Variants in CKAP2 observed in about 807,000 individuals in gnomAD.
CKAP2 encodes the protein cytoskeleton-associated protein 2.
Under a neutral mutation model 58.4 loss-of-function variants are expected in CKAP2, and 46 were observed. The ratio of observed to expected loss-of-function variants is 0.79; its 90% CI spans 0.62 to 1.01. The LOEUF (loss-of-function observed/expected upper bound fraction) is 1.01. Ranked by LOEUF, CKAP2 falls within the 50% of genes least tolerant of loss-of-function variation. CKAP2 has a pLI of 0.00. For missense variants in CKAP2, 809 were observed against 796.4 expected, an observed-to-expected ratio of 1.02 and a Z score of -0.19; for synonymous variants, 293 against 280.9, an observed-to-expected ratio of 1.04 and a Z score of -0.43.
intron 6 of CKAP2, chr13:52,465,967 A>ATACACATATATATG (rs1566102185): frequency 1.6e-5 from 2 of 125,724 alleles, no homozygotes; most frequent in African/African-American, 7.4e-5. Flanking sequence ...ACACATATAT[A>ATACACATATATATG]CACACATATA....
chr13:52,473,041 T>C lies in CKAP2; in HGVS notation c.1547-788T>C, dbSNP rs925834292. Reference sequence around the variant, plus strand: ...CTAGGTGACAGAACGGCAGACACCCTGTCTCTAAAAAAAAAAAAAAAATGT... The same window carrying C: ...CTAGGTGACAGAACGGCAGACACCCCGTCTCTAAAAAAAAAAAAAAAATGT... On this transcript the variant is annotated intron_variant, in intron 7 of 8. Transcript: ENST00000258607. Among the ~76,000 whole-genome samples, 28 of 151,004 alleles carry C rather than the reference T, an allele frequency of 1.9e-4. No individual in the cohort carries two copies. The South Asian group carries it at 5.7e-3, about 30-fold the overall frequency.
Position 52,475,350 on chromosome 13 carries a change from CAACT to C in CKAP2, c.*210_*213del, listed in dbSNP as rs2137879161. 7 of 566,366 alleles carry C rather than the reference CAACT, an allele frequency of 1.2e-5. No individual in the cohort carries two copies. Among genetic ancestry groups the C allele is most frequent in the South Asian group, 7.3e-5 (2 of 27,554 alleles). The allele number at this position is 566,366 out of a possible 1,614,324, so 35.1% of individuals were successfully genotyped here. A position where few individuals can be genotyped will look rare whatever the true frequency, so the allele number is the denominator to read the frequency against. On this transcript the variant is annotated 3_prime_UTR_variant, in exon 9 of 9. Transcript: ENST00000258607. ...CTAATCCTACCTTGTCAGTTTCAAC[CAACT>C]GAGTTTTTTCTTTAAGAAAGGTAAA...
At position 52,461,700 on chromosome 13, in the gene CKAP2, T is replaced by C; in HGVS notation, c.874T>C (p.Ser292Pro). 6.2e-7 allele frequency: 1 copy of C among 1,613,786 alleles called. No homozygotes were observed. The highest frequency in any genetic ancestry group is 1.3e-5 in the African/African-American group (1 of 74,988). The change falls in exon 4 of 9, where the codon TCA becomes CCA. Residue 292 changes from serine (S) to proline (P), a missense_variant. Ser to Pro is a moderately conservative substitution (Grantham distance 74). Around this residue, in one of 3 missense-constraint regions of CKAP2, gnomAD observed 523 missense variants for 492.4 expected, o/e 1.06. Transcript: ENST00000258607. ...GCCTCATGAAAAAGAACTATTACAA[T>C]CAAAAACAGCTTTATCTAGTGTCAA... Reference protein sequence around the residue: ...KGPHEKELLQSKTALSSVKTS... With the variant: ...KGPHEKELLQPKTALSSVKTS...
chr13:52,464,102 A>G (rs1451751368), intron 5 of CKAP2, among the ~76,000 whole-genome samples: 1 of 152,212 alleles, frequency 6.6e-6, no homozygotes, highest in Admixed American at 6.5e-5. Context: ...GGTGATATTT[A>G]CTTACTGCTT....
intron 7 of CKAP2, among the ~76,000 whole-genome samples, chr13:52,470,028 G>T (rs1369803019): frequency 6.6e-6 from 1 of 151,852 alleles, no homozygotes; most frequent in Non-Finnish European, 1.5e-5. Flanking sequence ...AAATATTTGA[G>T]TGCATATTAT....
chr13:52,459,386 G>A (rs534221674), intron 2 of CKAP2, among the ~76,000 whole-genome samples: 2 of 151,988 alleles, frequency 1.3e-5, no homozygotes, highest in African/African-American at 4.8e-5. Context: ...GCAGTGGCGC[G>A]ATCTCAGCTC....
intron 1 of CKAP2, 66 bp downstream of exon 1, chr13:52,455,692 C>T (rs918090020): frequency 7.2e-6 from 10 of 1,385,518 alleles, no homozygotes; most frequent in Admixed American, 3.7e-5. Context: ...GCCCGGCGGT[C>T]GGGGCTCGGG....
At chr13:52,474,362 G>C (rs546907852) in intron 8 of CKAP2, among the ~76,000 whole-genome samples, 5 of 152,196 alleles carry the variant, frequency 3.3e-5, no homozygotes, top group African/African-American at 1.2e-4. Context: ...GGTGCTGTGT[G>C]CCTGTAGTCC....
In CKAP2 at chr13:52,456,554, G is replaced by T; in HGVS notation, c.102G>T (p.Leu34=). 6.2e-7 allele frequency: 1 copy of T among 1,613,794 alleles called. No homozygotes were observed. The highest frequency in any genetic ancestry group is 8.5e-7 in the Non-Finnish European group (1 of 1,179,846). ...EQRRQKLKEH[L]LRRKTLFAYK... ...GAAGACAAAAACTCAAGGAACATCT[G>T]TTGAGAAGAAAAACGCTTTTTGCAT... The change falls in exon 2 of 9, where the codon CTG becomes CTT. Residue 34 remains leucine, a synonymous_variant. Coordinates refer to ENST00000258607, the MANE Select transcript of CKAP2 (RefSeq NM_018204.5).
intron 2 of CKAP2, among the ~76,000 whole-genome samples, chr13:52,457,806 A>T (rs1364749256): frequency 6.6e-6 from 1 of 152,120 alleles, no homozygotes; most frequent in East Asian, 1.9e-4. Flanking sequence ...GTGAGCCGAG[A>T]TCGTGCCATT....
At chr13:52,457,853 C>CAA (rs59908446) in intron 2 of CKAP2, among the ~76,000 whole-genome samples, 7 of 142,006 alleles carry the variant, frequency 4.9e-5, no homozygotes, top group African/African-American at 1.9e-4. Context: ...GACTCCGTCT[C>CAA]AAAAAAAAAA....
chr13:52,472,201 CCT>C (rs911828326), intron 7 of CKAP2, among the ~76,000 whole-genome samples: 28 of 152,110 alleles, frequency 1.8e-4, no homozygotes, highest in Middle Eastern at 3.4e-3. Flanking sequence ...TTTTGTGCTC[CCT>C]GTTTTTTTCC....
In CKAP2 at chr13:52,473,817, T is replaced by C; in HGVS notation, c.1547-12T>C. ...CAGCCAAAAGCTTAATCTATAAATG[T>C]ATTTTCTATAGGAGAAAATATGGAG... On this transcript the variant is annotated splice_polypyrimidine_tract_variant and intron_variant, in intron 7 of 8. Coordinates refer to ENST00000258607, the MANE Select transcript of CKAP2 (RefSeq NM_018204.5). The C allele has an allele frequency of 6.3e-7, 1 of 1,581,594 alleles. No individual in the cohort carries two copies. The highest frequency in any genetic ancestry group is 8.6e-7 in the Non-Finnish European group (1 of 1,167,202).
intron 7 of CKAP2, among the ~76,000 whole-genome samples, chr13:52,470,401 G>A (rs564868799): frequency 7.2e-4 from 109 of 152,102 alleles, no homozygotes; most frequent in African/African-American, 2.6e-3. Flanking sequence ...CACCGCACCC[G>A]GCCAACAGTT....
intron 6 of CKAP2, among the ~76,000 whole-genome samples, chr13:52,467,296 T>A (rs1238968788): frequency 6.6e-6 from 1 of 152,092 alleles, no homozygotes; most frequent in Non-Finnish European, 1.5e-5. Flanking sequence ...ATGAAGTATG[T>A]TGAGATGATC....
intron 8 of CKAP2, among the ~76,000 whole-genome samples, 168 bp from the exon 9 acceptor site, chr13:52,474,727 A>G (rs1958804504): frequency 6.6e-6 from 1 of 152,236 alleles, no homozygotes; most frequent in South Asian, 2.1e-4. Flanking sequence ...AAATTGAGAA[A>G]AGGATAAGTT....
intron 8 of CKAP2, 97 bp from the exon 9 acceptor site, chr13:52,474,798 A>C (rs1312304913): frequency 8.3e-6 from 10 of 1,198,550 alleles, no homozygotes; most frequent in Non-Finnish European, 1.2e-5. Context: ...TTACCTGCTT[A>C]TAACATACAA....
At chr13:52,472,507 C>T (rs1403592492) in intron 7 of CKAP2, among the ~76,000 whole-genome samples, 1 of 151,658 alleles carries the variant, frequency 6.6e-6, no homozygotes, top group African/African-American at 2.4e-5. Flanking sequence ...TTTTTTCCAG[C>T]TCAATGGATT....
rs1958602775 is a variant in CKAP2, at chr13:52,462,513, A to G, written c.1251A>G (p.Leu417=). Residue 417 remains leucine (L), a synonymous_variant, in exon 5 of 9, where the codon TTA becomes TTG. Coordinates refer to ENST00000258607, the MANE Select transcript of CKAP2 (RefSeq NM_018204.5). ...TGGCAGAAGAAGATGAACAAAGATT[A>G]TTTACTGAAAAAGTAAACAACACAT... is the stretch of plus-strand genomic sequence containing the variant. ...TTMAEEDEQR[L]FTEKVNNTFS... is the part of the protein sequence containing the mutation. The G allele has an allele frequency of 6.2e-7, 1 of 1,613,988 alleles. No homozygotes were observed. The highest frequency in any genetic ancestry group is 1.1e-5 in the South Asian group (1 of 91,070).
Sources: gnomAD v4.1 joint callset for allele counts (sites outside exome capture counted in the v4.1 genomes callset) on GRCh38, gnomAD v4.1.1 for gene constraint, gnomAD v4.1.1 regional missense constraint, MANE v1.5 for transcripts, NCBI Gene and HGNC (gene_info 2026-07-23, HGNC 2026-07-21) for gene names.